BZW1: variants seen among roughly 807,000 people sequenced by gnomAD.
The protein encoded by BZW1 is eIF5-mimic protein 2.
A neutral mutation model predicts 54.1 loss-of-function variants in BZW1; 3 were observed. The observed-to-expected ratio is 0.06, with a 90% confidence interval of 0.03 to 0.14. The LOEUF is 0.14. BZW1 is among the 10% of genes least tolerant of loss of function. The pLI is 1.00. For synonymous variants in BZW1, 152 were observed against 162.7 expected, an observed-to-expected ratio of 0.93 and a Z score of 0.50; for missense variants, 206 against 491.7, an observed-to-expected ratio of 0.42 and a Z score of 5.50.
In BZW1 at chr2:200,812,190, G is replaced by C. The variant is rs1162079599; in HGVS notation, c.-11+200G>C. 3.3e-6 allele frequency: 4 copies of C among 1,210,726 alleles called. No homozygotes were observed. The African/African-American group carries it at 4.7e-5, about 14-fold the overall frequency. The allele number at this position is 1,210,726 out of a possible 1,614,324, so 75.0% of individuals were successfully genotyped here. ...GCCGAGGGGTAGCGGCGGCCCGGGT[G>C]GGGAGGTGGGGTCCGGGTGTGCGCC... On this transcript the variant is annotated intron_variant, in intron 1 of 11. Transcript: ENST00000409600.
At chr2:200,815,238 TTAATC>T (rs1433336276) in intron 2 of BZW1, 98 bp from the exon 3 acceptor site, 20 of 1,203,774 alleles carry the variant, frequency 1.7e-5, no homozygotes, top group East Asian at 5.0e-5. Flanking sequence ...GGATGTGAAT[TTAATC>T]TAACTTATTT....
At chr2:200,813,515 T>C (rs2038167396) in intron 2 of BZW1, 2 of 355,154 alleles carry the variant, frequency 5.6e-6, no homozygotes, top group South Asian at 6.8e-5. Flanking sequence ...GAATCTTCTT[T>C]TCGGTGTGAA....
At chr2:200,812,550 C>T (rs2038113766) in intron 1 of BZW1, 14 of 1,409,432 alleles carry the variant, frequency 9.9e-6, no homozygotes, top group Non-Finnish European at 1.1e-5. Flanking sequence ...CGATGGGGTC[C>T]TGGGCGGGAA....
At position 200,816,280 on chromosome 2, in the gene BZW1, C is replaced by G. The variant is rs775054364; in HGVS notation, c.337-45C>G. 27 of 1,419,894 alleles carry G rather than the reference C, an allele frequency of 1.9e-5. No individual in the cohort carries two copies. The South Asian group carries it at 3.1e-4, about 16-fold the overall frequency. The allele number at this position is 1,419,894 out of a possible 1,614,324, so 88.0% of individuals were successfully genotyped here. ...GTGAAAGGTTTACTACTTTGCTATT[C>G]TAGAAATATATGAAGTTACTGAATT... On this transcript the variant is annotated intron_variant, in intron 4 of 11. Coordinates refer to ENST00000409600, the MANE Select transcript of BZW1 (RefSeq NM_001207067.2).
At chr2:200,813,117 G>T in intron 1 of BZW1, 91 bp from the exon 2 acceptor site, 1 of 1,075,306 alleles carries the variant, frequency 9.3e-7, no homozygotes, top group South Asian at 1.3e-5. Flanking sequence ...TGTTCCATTT[G>T]ATTCATATGT....
Position 200,817,198 on chromosome 2 carries a change from A to C in BZW1, c.495A>C (p.Ala165=). ...GVLLANGTLN[A]SILNSLYNEN... Reference sequence around the variant, plus strand: ...TTCTGGCTAATGGAACACTTAATGCATCCATTCTTAATAGCCTTTATAATG... The same window carrying C: ...TTCTGGCTAATGGAACACTTAATGCCTCCATTCTTAATAGCCTTTATAATG... Residue 165 remains alanine (A), a synonymous_variant, in exon 6 of 12, where the codon GCA becomes GCC. Coordinates refer to ENST00000409600, the MANE Select transcript of BZW1 (RefSeq NM_001207067.2). The C allele has an allele frequency of 3.1e-6, 5 of 1,613,704 alleles. No homozygotes were observed. The highest frequency in any genetic ancestry group is 2.5e-6 in the Non-Finnish European group (3 of 1,179,770).
intron 1 of BZW1, chr2:200,812,888 A>C (rs1286732556): frequency 1.5e-6 from 1 of 653,890 alleles, no homozygotes; most frequent in African/African-American, 1.8e-5. Flanking sequence ...TGGAAGATGT[A>C]AGTGAATGTA....
At chr2:200,812,966 G>T (rs1276708132) in intron 1 of BZW1, 3 of 680,250 alleles carry the variant, frequency 4.4e-6, no homozygotes, top group Non-Finnish European at 8.3e-6. Context: ...CTACAATGTC[G>T]CTTAAAAGTA....
Position 200,815,772 on chromosome 2 carries a change from CTT to C in BZW1, c.336+13_336+14del, listed in dbSNP as rs1411145222. 6.5e-7 allele frequency: 1 copy of C among 1,532,904 alleles called. No individual in the cohort carries two copies. The highest frequency in any genetic ancestry group is 8.8e-7 in the Non-Finnish European group (1 of 1,140,544). 95.0% of individuals were successfully genotyped at this position (1,532,904 alleles called of 1,614,324 possible). A position where few individuals can be genotyped will look rare whatever the true frequency, so the allele number is the denominator to read the frequency against. On this transcript the variant is annotated intron_variant, in intron 4 of 11. Coordinates refer to ENST00000409600, the MANE Select transcript of BZW1 (RefSeq NM_001207067.2). ...CAAGCATTTGCTCAGGTAAATGAAA[CTT>C]TACATAATTGTTTTCAGTTGGCTAC...
At position 200,824,531 on chromosome 2, in the gene BZW1, A is replaced by C. The variant is rs573287723; in HGVS notation, c.*2353A>C. The C allele has an allele frequency of 6.6e-6, 1 of 151,498 alleles. No individual in the cohort carries two copies. The highest frequency in any genetic ancestry group is 2.1e-4 in the South Asian group (1 of 4,816). The allele number at this position is 151,498 out of a possible 1,614,324, so 9.4% of individuals were successfully genotyped here. A position where few individuals can be genotyped will look rare whatever the true frequency, so the allele number is the denominator to read the frequency against. On this transcript the variant is annotated 3_prime_UTR_variant, in exon 12 of 12. Transcript: ENST00000409600. ...ATTCCATTCTTATTTAAAAAAAAAA[A>C]CCTCCATATACCAAAAATGCTACAG...
rs747710315 is a variant in BZW1 at position 200,815,388 on chromosome 2, C to A, written c.112C>A (p.Gln38Lys). The A allele has an allele frequency of 6.2e-7, 1 of 1,613,932 alleles. No individual in the cohort carries two copies. The highest frequency in any genetic ancestry group is 8.5e-7 in the Non-Finnish European group (1 of 1,179,874). Residue 38 changes from glutamine to lysine, a missense_variant, in exon 3 of 12, where the codon CAA becomes AAA. Physicochemically the swap from Gln to Lys is moderately conservative, Grantham distance 53 (BLOSUM62 1). Coordinates refer to ENST00000409600, the MANE Select transcript of BZW1 (RefSeq NM_001207067.2). The stretch of plus-strand genomic sequence containing the variant: ...TACTCAGTTTCAAGACTGTATTATT[C>A]AAGGCTTAACTGAAACCGGTACTGA... ...DPTQFQDCII[Q>K]GLTETGTDLE...
chr2:200,812,668 T>A (rs2038121094), intron 1 of BZW1: 1 of 1,130,428 alleles, frequency 8.8e-7, no homozygotes, highest in East Asian at 2.6e-5. Context: ...GAGGCTGGGC[T>A]GGCTGTTAGT....
chr2:200,815,159 T>C (rs13383695), intron 2 of BZW1, among the ~76,000 whole-genome samples, 182 bp from the exon 3 acceptor site: 7,334 of 152,308 alleles, frequency 0.048, 596 homozygotes, highest in African/African-American at 0.17. Context: ...TGTGAAATTA[T>C]TTGAAAAGTT....
intron 2 of BZW1, among the ~76,000 whole-genome samples, chr2:200,814,892 C>T (rs960008944): frequency 2.6e-5 from 4 of 152,192 alleles, no homozygotes; most frequent in Non-Finnish European, 4.4e-5. Context: ...TCATTGGGTG[C>T]TCATTAAATG....
chr2:200,812,343 G>A, intron 1 of BZW1: 1 of 1,264,858 alleles, frequency 7.9e-7, no homozygotes, highest in Non-Finnish European at 9.9e-7. Flanking sequence ...GCGGGGCGGA[G>A]GGGCTGCCAC....
chr2:200,812,122 G>A lies in BZW1; in HGVS notation c.-11+132G>A, dbSNP rs576610990. The A allele has an allele frequency of 1.4e-4, 123 of 863,264 alleles. No individual in the cohort carries two copies. In the African/African-American group the frequency reaches 1.8e-3, roughly 13 times the overall value. The allele number at this position is 863,264 out of a possible 1,614,324, so 53.5% of individuals were successfully genotyped here. A position where few individuals can be genotyped will look rare whatever the true frequency, so the allele number is the denominator to read the frequency against. ...CGAACGGAGGTCGCCTCTTGAGGCC[G>A]GGCCGGATCTAGGGCCTGAAAGGCC... is the stretch of plus-strand genomic sequence containing the variant. On this transcript the variant is annotated intron_variant, in intron 1 of 11. Transcript: ENST00000409600.
chr2:200,817,999 G>A lies in BZW1; in HGVS notation c.564G>A (p.Lys188=), dbSNP rs374224873. ...GAGTTTCAGCAGCTTTTGCTGTGAA[G>A]CTCTTTAAATCATGGATAAATGAAA... ...KEGVSAAFAV[K]LFKSWINEKD... The change falls in exon 7 of 12, where the codon AAG becomes AAA. Residue 188 remains lysine (K), a synonymous_variant. Coordinates refer to ENST00000409600, the MANE Select transcript of BZW1 (RefSeq NM_001207067.2). The A allele has an allele frequency of 6.4e-6, 10 of 1,551,098 alleles. No homozygotes were observed. In the African/African-American group the frequency reaches 1.4e-4, roughly 21 times the overall value.
chr2:200,812,109 G>A, intron 1 of BZW1, 119 bp downstream of exon 1: 2 of 703,178 alleles, frequency 2.8e-6, no homozygotes, highest in Non-Finnish European at 3.9e-6. Flanking sequence ...AACGGAGGTC[G>A]CCTCTTGAGG....
intron 1 of BZW1, 131 bp from the exon 2 acceptor site, chr2:200,813,077 T>TA (rs560052173): frequency 9.2e-5 from 69 of 747,882 alleles, no homozygotes; most frequent in Non-Finnish European, 1.5e-4. Flanking sequence ...GTATCGGGTA[T>TA]AATTGCCAGC....
Sources: gnomAD v4.1 joint callset for allele counts (sites outside exome capture counted in the v4.1 genomes callset) on GRCh38, gnomAD v4.1.1 for gene constraint, MANE v1.5 for transcripts, NCBI Gene and HGNC (gene_info 2026-07-23, HGNC 2026-07-21) for gene names.